Variants in RFX3 observed in about 807,000 individuals in gnomAD.
RFX3 encodes regulatory factor X3.
In RFX3, 14 loss-of-function variants were observed where a neutral mutation model predicts 98.6. The observed-to-expected ratio is 0.14, with a 90% CI of 0.09 to 0.22. The LOEUF (loss-of-function observed/expected upper bound fraction) is 0.22. Among genes scored for constraint, RFX3 ranks in the 10% least tolerant of loss-of-function variants. The pLI is 1.00. For missense variants in RFX3, 639 were observed against 926.9 expected, an observed-to-expected ratio of 0.69 and a Z score of 4.03; for synonymous variants, 383 against 328.4, an observed-to-expected ratio of 1.17 and a Z score of -1.80.
chr9:3,487,393 C>T (rs1850366925), intron 1 of RFX3, among the ~76,000 whole-genome samples: 1 of 152,136 alleles, frequency 6.6e-6, no homozygotes, highest in Non-Finnish European at 1.5e-5. Flanking sequence ...AACTATACTA[C>T]TCTTTAAAGA....
intron 1 of RFX3, among the ~76,000 whole-genome samples, chr9:3,418,466 A>G (rs751065546): frequency 4.6e-5 from 7 of 151,880 alleles, no homozygotes; most frequent in Non-Finnish European, 8.8e-5. Context: ...TGCAACCTCC[A>G]GCTCCTGGGT....
intron 1 of RFX3, among the ~76,000 whole-genome samples, chr9:3,515,116 AC>A (rs1303754896): frequency 6.6e-6 from 1 of 152,126 alleles, no homozygotes; most frequent in African/African-American, 2.4e-5. Flanking sequence ...TATCCACAAA[AC>A]CATTTATCCA....
chr9:3,219,371 T>C lies in RFX3; in HGVS notation c.*5671A>G, dbSNP rs929851799. ...TTCTTCTAAAGAATATTTGTTGTCC[T>C]CGTTATTGAGCTACATAAACAATTC... On this transcript the variant is annotated 3_prime_UTR_variant, in exon 17 of 17. Transcript: ENST00000617270. The C allele has an allele frequency of 6.6e-6, 1 of 151,840 alleles. No homozygotes were observed. Among genetic ancestry groups the C allele is most frequent in the Non-Finnish European group, 1.5e-5 (1 of 67,954 alleles). 9.4% of individuals were successfully genotyped at this position (151,840 alleles called of 1,614,324 possible). A position where few individuals can be genotyped will look rare whatever the true frequency, so the allele number is the denominator to read the frequency against.
intron 1 of RFX3, among the ~76,000 whole-genome samples, chr9:3,443,062 G>C (rs1217891851): frequency 6.6e-6 from 1 of 152,044 alleles, no homozygotes; most frequent in Non-Finnish European, 1.5e-5. Flanking sequence ...AAAAGATTTG[G>C]ACAGTCACTC....
chr9:3,258,641 T>C (rs1822447018), intron 13 of RFX3, among the ~76,000 whole-genome samples: 2 of 151,988 alleles, frequency 1.3e-5, no homozygotes, highest in South Asian at 2.1e-4. Context: ...ATTTTAAGTA[T>C]ACTAAAATAT....
intron 1 of RFX3, among the ~76,000 whole-genome samples, chr9:3,402,111 A>C (rs1465565232): frequency 2.6e-5 from 4 of 152,202 alleles, no homozygotes; most frequent in Non-Finnish European, 1.5e-5. Context: ...TAAATGGATT[A>C]ATAGTCTGAC....
chr9:3,311,988 T>C (rs555291413), intron 4 of RFX3, among the ~76,000 whole-genome samples: 6 of 152,330 alleles, frequency 3.9e-5, no homozygotes, highest in African/African-American at 1.4e-4. Flanking sequence ...TCTAACCTCC[T>C]GTTTCATTTG....
intron 5 of RFX3, among the ~76,000 whole-genome samples, chr9:3,299,610 T>G (rs1001872284): frequency 2.6e-5 from 4 of 151,682 alleles, no homozygotes; most frequent in African/African-American, 7.3e-5. Context: ...TGGGAGTTGT[T>G]AGCAGTATGG....
intron 2 of RFX3, among the ~76,000 whole-genome samples, chr9:3,380,334 A>G (rs1158863856): frequency 6.6e-6 from 1 of 152,054 alleles, no homozygotes; most frequent in Non-Finnish European, 1.5e-5. Context: ...CCTCCCACCA[A>G]CTGACTCACC....
chr9:3,418,052 G>C (rs769142413), intron 1 of RFX3, among the ~76,000 whole-genome samples: 4 of 152,076 alleles, frequency 2.6e-5, no homozygotes, highest in Non-Finnish European at 5.9e-5. Flanking sequence ...TGCTTTATTT[G>C]TAAATTTTCT....
chr9:3,316,824 C>G (rs968100689), intron 4 of RFX3, among the ~76,000 whole-genome samples: 3 of 152,074 alleles, frequency 2.0e-5, no homozygotes, highest in African/African-American at 7.2e-5. Flanking sequence ...ATGTGAAGGA[C>G]CTCTTCAAGG....
At chr9:3,241,197 G>T (rs1157216982) in intron 15 of RFX3, among the ~76,000 whole-genome samples, 3 of 149,368 alleles carry the variant, frequency 2.0e-5, no homozygotes, top group African/African-American at 7.4e-5. Context: ...TAAGGAGAAG[G>T]TACACTTTTT....
At chr9:3,474,529 A>G (rs545586436) in intron 1 of RFX3, among the ~76,000 whole-genome samples, 2 of 152,322 alleles carry the variant, frequency 1.3e-5, no homozygotes, top group East Asian at 3.9e-4. Context: ...GAAGCTCATA[A>G]TATCAATGAC....
At chr9:3,394,478 C>G (rs1004395079) in intron 2 of RFX3, among the ~76,000 whole-genome samples, 2 of 152,106 alleles carry the variant, frequency 1.3e-5, no homozygotes, top group African/African-American at 4.8e-5. Flanking sequence ...CAAAACAAAA[C>G]AAACACAAGA....
chr9:3,316,788 A>T (rs963738439), intron 4 of RFX3, among the ~76,000 whole-genome samples: 2 of 152,210 alleles, frequency 1.3e-5, no homozygotes, highest in African/African-American at 4.8e-5. Context: ...AGAGAATAAA[A>T]TACCTAGGAA....
At chr9:3,340,543 A>G (rs1042565988) in intron 3 of RFX3, among the ~76,000 whole-genome samples, 1 of 152,232 alleles carries the variant, frequency 6.6e-6, no homozygotes, top group African/African-American at 2.4e-5. Flanking sequence ...CAATGAACTC[A>G]AACAAATTTA....
intron 4 of RFX3, among the ~76,000 whole-genome samples, chr9:3,323,287 A>G (rs1192214317): frequency 3.9e-5 from 6 of 152,158 alleles, no homozygotes; most frequent in African/African-American, 1.4e-4. Flanking sequence ...TTTAAATTAA[A>G]CACATGGGCC....
intron 7 of RFX3, among the ~76,000 whole-genome samples, chr9:3,282,434 A>C (rs774500495): frequency 8.6e-5 from 13 of 151,730 alleles, no homozygotes; most frequent in Admixed American, 2.0e-4. Flanking sequence ...GGTGGAAAAA[A>C]TTAAATTGAA....
chr9:3,387,051 AT>A (rs1466538960), intron 2 of RFX3, among the ~76,000 whole-genome samples: 1 of 152,086 alleles, frequency 6.6e-6, no homozygotes, highest in Non-Finnish European at 1.5e-5. Context: ...GAAATCTTTC[AT>A]GCTTTCCTTT....
Sources: allele counts gnomAD v4.1 joint callset (sites outside exome capture counted in the v4.1 genomes callset), GRCh38; gene constraint gnomAD v4.1.1; transcripts MANE v1.5; gene names NCBI Gene and HGNC (gene_info 2026-07-23, HGNC 2026-07-21).